TBC1D1: variants seen among roughly 807,000 people sequenced by gnomAD.
TBC1D1 encodes the protein TBC1 domain family member 1.
In TBC1D1, 89 loss-of-function variants were observed where a neutral mutation model predicts 125.6. The ratio of observed to expected loss-of-function variants is 0.71; its 90% CI spans 0.60 to 0.85. TBC1D1 has a LOEUF of 0.85. Ranked by LOEUF, TBC1D1 falls within the 40% of genes least tolerant of loss-of-function variation. The pLI is 0.00. For missense variants in TBC1D1, 1,377 were observed against 1,469.2 expected (o/e 0.94, Z 1.03); for synonymous variants, 565 against 564.1 (o/e 1.00, Z -0.02).
At chr4:37,919,309 A>C (rs1720410776) in intron 2 of TBC1D1, among the ~76,000 whole-genome samples, 1 of 150,556 alleles carries the variant, frequency 6.6e-6, no homozygotes, top group Admixed American at 6.6e-5. Context: ...CTGAAAAGGC[A>C]TGTGCCACCA....
At chr4:38,112,981 G>A (rs147251234) in intron 15 of TBC1D1, among the ~76,000 whole-genome samples, 7 of 152,296 alleles carry the variant, frequency 4.6e-5, no homozygotes, top group African/African-American at 1.7e-4. Flanking sequence ...TCAGCTTGCT[G>A]ATAAAGGTCA....
At chr4:38,135,900 G>A (rs1766467657) in intron 19 of TBC1D1, among the ~76,000 whole-genome samples, 1 of 148,926 alleles carries the variant, frequency 6.7e-6, no homozygotes, top group Non-Finnish European at 1.5e-5. Flanking sequence ...ATATGTGTGT[G>A]TGTATATATA....
At chr4:37,948,385 T>C (rs1317352558) in intron 2 of TBC1D1, among the ~76,000 whole-genome samples, 1 of 152,174 alleles carries the variant, frequency 6.6e-6, no homozygotes, top group Non-Finnish European at 1.5e-5. Context: ...TCCAGCCCTA[T>C]GGGAGGCCAA....
At chr4:37,925,043 C>G (rs1445985222) in intron 2 of TBC1D1, among the ~76,000 whole-genome samples, 1 of 152,224 alleles carries the variant, frequency 6.6e-6, no homozygotes, top group African/African-American at 2.4e-5. Flanking sequence ...AACGACACAT[C>G]CTGTGCTATG....
intron 2 of TBC1D1, among the ~76,000 whole-genome samples, chr4:37,971,979 G>C (rs986401372): frequency 1.1e-4 from 17 of 152,178 alleles, no homozygotes; most frequent in South Asian, 6.2e-4. Context: ...CTTGCTCTTT[G>C]AGGTCTCTGA....
chr4:38,031,599 T>A (rs1746148449), intron 7 of TBC1D1, among the ~76,000 whole-genome samples: 1 of 152,180 alleles, frequency 6.6e-6, no homozygotes, highest in Admixed American at 6.5e-5. Context: ...CAATCAGTGT[T>A]GGAAATTGAT....
At chr4:37,980,151 C>G (rs1734058093) in intron 2 of TBC1D1, among the ~76,000 whole-genome samples, 1 of 152,132 alleles carries the variant, frequency 6.6e-6, no homozygotes, top group Admixed American at 6.6e-5. Flanking sequence ...TGGGCAATTT[C>G]ATGATGTAGG....
In TBC1D1 at chr4:38,014,733, C is replaced by T. The variant is rs756096746; in HGVS notation, c.642C>T (p.Pro214=). 6.2e-7 allele frequency: 1 copy of T among 1,601,120 alleles called. No homozygotes were observed. Among genetic ancestry groups the T allele is most frequent in the South Asian group, 1.1e-5 (1 of 90,842 alleles). ...GCCGGGGGTCCGAGAGCCCCCGCCC[C>T]AACCCGCCCCATGCCGCGCCCACAG... The change falls in exon 3 of 20, where the codon CCC becomes CCT. Residue 214 remains proline, a synonymous_variant. Coordinates refer to ENST00000261439, the MANE Select transcript of TBC1D1 (RefSeq NM_015173.4). The surrounding 1 kb of genome is among the most constrained non-coding windows in gnomAD (Gnocchi z 5.1).
At chr4:37,989,175 A>G (rs1247929924) in intron 2 of TBC1D1, among the ~76,000 whole-genome samples, 4 of 152,180 alleles carry the variant, frequency 2.6e-5, no homozygotes, top group African/African-American at 9.7e-5. Flanking sequence ...TAGGTCTGAT[A>G]AGATCTCTGA....
At chr4:37,961,556 T>A (rs2152332759) in intron 2 of TBC1D1, among the ~76,000 whole-genome samples, 1 of 152,364 alleles carries the variant, frequency 6.6e-6, no homozygotes, top group Admixed American at 6.5e-5. Context: ...TGCCTTGAAT[T>A]CTGTACAAAG....
chr4:38,054,461 T>C, intron 12 of TBC1D1, 123 bp downstream of exon 14: 2 of 1,269,670 alleles, frequency 1.6e-6, no homozygotes, highest in African/African-American at 1.5e-5. Flanking sequence ...TCTGAGGCAA[T>C]CACAAAGGTA....
chr4:38,110,547 C>T (rs1321511286), intron 15 of TBC1D1: 1 of 985,418 alleles, frequency 1.0e-6, no homozygotes, highest in Non-Finnish European at 1.2e-6. Context: ...AATTGTGGAT[C>T]ATCTTGTAGG....
chr4:37,980,425 T>A (rs1270036267), intron 2 of TBC1D1, among the ~76,000 whole-genome samples: 2 of 152,204 alleles, frequency 1.3e-5, no homozygotes, highest in East Asian at 1.9e-4. Context: ...CTCACAGATG[T>A]CCCCAACAAC....
chr4:38,025,804 T>C (rs1744965861), intron 6 of TBC1D1, among the ~76,000 whole-genome samples: 1 of 152,232 alleles, frequency 6.6e-6, no homozygotes, highest in South Asian at 2.1e-4. Context: ...CAGTAAAGCC[T>C]TGTCTGTTTC....
chr4:37,914,272 C>T (rs1294260438), intron 2 of TBC1D1, among the ~76,000 whole-genome samples: 1 of 152,206 alleles, frequency 6.6e-6, no homozygotes, highest in Non-Finnish European at 1.5e-5. Flanking sequence ...TTCTAGTTGG[C>T]TGTTAACTAC....
At chr4:37,930,077 G>A (rs532918720) in intron 2 of TBC1D1, among the ~76,000 whole-genome samples, 2 of 152,142 alleles carry the variant, frequency 1.3e-5, no homozygotes, top group African/African-American at 4.8e-5. Context: ...TGACAGCAAC[G>A]TGGTTTACAG....
At chr4:38,053,574 A>G (rs951240399) in intron 11 of TBC1D1, among the ~76,000 whole-genome samples, 29 of 152,370 alleles carry the variant, frequency 1.9e-4, no homozygotes, top group African/African-American at 7.0e-4. Context: ...GCTTACTTAC[A>G]GGTACATAAC....
At chr4:38,065,790 C>T (rs1440311220) in intron 12 of TBC1D1, among the ~76,000 whole-genome samples, 4 of 151,974 alleles carry the variant, frequency 2.6e-5, no homozygotes, top group Admixed American at 2.0e-4. Flanking sequence ...GGATTACAGG[C>T]GCCTGCCACC....
intron 12 of TBC1D1, among the ~76,000 whole-genome samples, chr4:38,073,272 A>C (rs1316411067): frequency 1.3e-5 from 2 of 152,130 alleles, no homozygotes; most frequent in African/African-American, 2.4e-5. Flanking sequence ...ACCCTCACCC[A>C]CACTTGTAAT....
Sources: allele counts gnomAD v4.1 joint callset (sites outside exome capture counted in the v4.1 genomes callset), GRCh38; gene constraint gnomAD v4.1.1; non-coding constraint Gnocchi (gnomAD v3.1); transcripts MANE v1.5; gene names NCBI Gene and HGNC (gene_info 2026-07-23, HGNC 2026-07-21).